CCDC190: variants seen among roughly 807,000 people sequenced by gnomAD.
The protein encoded by CCDC190 is coiled-coil domain containing 190.
A neutral mutation model predicts 13.1 loss-of-function variants in CCDC190; 10 were observed. The observed-to-expected ratio is 0.77, with a 90% CI of 0.47 to 1.30. CCDC190 has a LOEUF of 1.30. CCDC190 is among the 50% of genes most tolerant of loss of function. CCDC190 has a pLI of 0.00. For missense variants in CCDC190, 375 were observed against 354.3 expected, an observed-to-expected ratio of 1.06 and a Z score of -0.47; for synonymous variants, 136 against 127.2, an observed-to-expected ratio of 1.07 and a Z score of -0.47.
At position 162,854,763 on chromosome 1, in the gene CCDC190, G is replaced by A. The variant is rs78851184; in HGVS notation, c.*2C>T. On this transcript the variant is annotated 3_prime_UTR_variant, in exon 4 of 4. Transcript: ENST00000367912. ...ATGTTATTGTCAGGCTATGTTAAACGGTTAGAGAGGAAGAAACTTAGAAGG... is the reference window on the plus strand; with the variant it reads ...ATGTTATTGTCAGGCTATGTTAAACAGTTAGAGAGGAAGAAACTTAGAAGG... 277,425 of 1,601,508 alleles carry A rather than the reference G, an allele frequency of 0.17. 26,300 individuals carry two copies. The highest frequency in any genetic ancestry group is 0.2 in the Non-Finnish European group (231,750 of 1,172,548).
At position 162,856,627 on chromosome 1, in the gene CCDC190, A is replaced by G. The variant is rs574724110; in HGVS notation, c.188-872T>C. ...TTTTAAGACATCTCATGAATTGGTCATTTAGAGTTGAAAGTCTTGGACTAG... is the reference window on the plus strand; with the variant it reads ...TTTTAAGACATCTCATGAATTGGTCGTTTAGAGTTGAAAGTCTTGGACTAG... On this transcript the variant is annotated intron_variant, in intron 2 of 3. Coordinates refer to ENST00000367912, the MANE Select transcript of CCDC190 (RefSeq NM_001394065.1). Among the ~76,000 whole-genome samples, 46 of 152,342 alleles carry G rather than the reference A, an allele frequency of 3.0e-4. No individual in the cohort carries two copies. The South Asian group carries it at 8.7e-3, about 29-fold the overall frequency.
rs914768697 is a variant in CCDC190, at chr1:162,853,167, G to A, written c.*1598C>T. On this transcript the variant is annotated 3_prime_UTR_variant, in exon 4 of 4. Transcript: ENST00000367912. ...ATTGAAGGCCAGAGGCTGGGCTGAT[G>A]AAACTGACTCTCAAATGTTTGATCT... 15 of 1,541,096 alleles carry A rather than the reference G, an allele frequency of 9.7e-6. No individual in the cohort carries two copies. Among genetic ancestry groups the A allele is most frequent in the Admixed American group, 6.1e-5 (3 of 49,282 alleles).
chr1:162,863,909 C>T (rs1322779629), upstream of CCDC190, among the ~76,000 whole-genome samples: 6 of 151,766 alleles, frequency 4.0e-5, no homozygotes, highest in African/African-American at 1.2e-4. Flanking sequence ...ATCCCAGCTA[C>T]TCGGGAGGCT....
chr1:162,855,233 A>T lies in CCDC190; in HGVS notation c.438T>A (p.Thr146=). ...GTGGTTGCTCTTTTATGAAGCAGGC[A>T]GTTCTGTTATTTTGAGAGAGTGGCT... ...KKQPLSQNNR[T]ACFIKEQPQA... is the part of the protein sequence containing the mutation. Residue 146 remains threonine, a synonymous_variant, in exon 4 of 4, where the codon ACT becomes ACA. Transcript: ENST00000367912. 15 of 1,613,938 alleles carry T rather than the reference A, an allele frequency of 9.3e-6. No homozygotes were observed. Among genetic ancestry groups the T allele is most frequent in the Non-Finnish European group, 1.2e-5 (14 of 1,179,864 alleles).
At chr1:162,866,671 T>A (rs920372259) in intron 1 of CCDC190, among the ~76,000 whole-genome samples, 2 of 152,184 alleles carry the variant, frequency 1.3e-5, no homozygotes, top group Non-Finnish European at 2.9e-5. Context: ...TATATAGGAC[T>A]TAATATTATC....
upstream of CCDC190, among the ~76,000 whole-genome samples, chr1:162,861,757 T>G (rs952813677): frequency 1.3e-5 from 2 of 152,188 alleles, no homozygotes. Flanking sequence ...GCAGAGCTAT[T>G]GTTTATATAA....
intron 1 of CCDC190, among the ~76,000 whole-genome samples, chr1:162,859,990 A>T (rs894591916): frequency 2.6e-5 from 4 of 151,890 alleles, no homozygotes; most frequent in Admixed American, 1.3e-4. Flanking sequence ...CAGTCTACAT[A>T]TATAAGGCAT....
At chr1:162,855,565 T>C (rs1650271821) in intron 3 of CCDC190, 67 bp downstream of exon 3, 1 of 1,587,876 alleles carries the variant, frequency 6.3e-7, no homozygotes, top group Non-Finnish European at 8.5e-7. Flanking sequence ...AGGAAAACAG[T>C]TTAAAGAGGT....
In CCDC190 at chr1:162,854,954, C is replaced by T. The variant is rs1650235906; in HGVS notation, c.717G>A (p.Glu239=). 2 of 1,614,024 alleles carry T rather than the reference C, an allele frequency of 1.2e-6. No individual in the cohort carries two copies. The highest frequency in any genetic ancestry group is 1.6e-4 in the Middle Eastern group (1 of 6,062). The change falls in exon 4 of 4, where the codon GAG becomes GAA. Residue 239 remains glutamate (E), a synonymous_variant. Transcript: ENST00000367912. Reference sequence around the variant, plus strand: ...ACTCTAAGAAGGTTGGCTTTGTGAACTCGCCTTCGAAGCTTCCTGCACATT... The same window carrying T: ...ACTCTAAGAAGGTTGGCTTTGTGAATTCGCCTTCGAAGCTTCCTGCACATT... ...HMECAGSFEG[E]FTKPTFLELL...
At chr1:162,863,299 T>A (rs923243110), upstream of CCDC190, among the ~76,000 whole-genome samples, 2 of 152,222 alleles carry the variant, frequency 1.3e-5, no homozygotes, top group Admixed American at 6.5e-5. Context: ...TATCCCTTGG[T>A]TTCCTTATTT....
upstream of CCDC190, among the ~76,000 whole-genome samples, chr1:162,866,035 A>C (rs1244104808): frequency 6.6e-6 from 1 of 152,260 alleles, no homozygotes; most frequent in Non-Finnish European, 1.5e-5. Flanking sequence ...TAATATATCA[A>C]TATACAAAAT....
At chr1:162,856,257 ATT>A (rs1052480990) in intron 2 of CCDC190, among the ~76,000 whole-genome samples, 2 of 152,218 alleles carry the variant, frequency 1.3e-5, no homozygotes, top group African/African-American at 2.4e-5. Context: ...CTTGGTGTAT[ATT>A]ACACATTAGG....
At chr1:162,862,616 C>T (rs12024415), upstream of CCDC190, among the ~76,000 whole-genome samples, 26,548 of 152,036 alleles carry the variant, frequency 0.17, 2,322 homozygotes, top group Middle Eastern at 0.2. Context: ...GCAGAGGACA[C>T]GAGAACACAA....
chr1:162,855,927 C>A (rs1018888171), intron 2 of CCDC190, 172 bp from the exon 3 acceptor site: 34 of 537,774 alleles, frequency 6.3e-5, no homozygotes, highest in Non-Finnish European at 9.8e-5. Context: ...CCTATATTAC[C>A]GGTGTCCTTA....
intron 2 of CCDC190, 54 bp downstream of exon 2, chr1:162,859,406 T>C (rs991662852): frequency 1.3e-5 from 20 of 1,517,572 alleles, no homozygotes; most frequent in Middle Eastern, 4.0e-4. Flanking sequence ...GTGATGGGCC[T>C]GCTGCCCTGC....
chr1:162,868,080 T>G (rs1285096541), intron 1 of CCDC190, among the ~76,000 whole-genome samples: 2 of 152,138 alleles, frequency 1.3e-5, no homozygotes, highest in Non-Finnish European at 2.9e-5. Flanking sequence ...TAAAGTTGAT[T>G]TTAAAAAAAA....
upstream of CCDC190, among the ~76,000 whole-genome samples, chr1:162,864,624 T>C (rs1282923290): frequency 6.6e-6 from 1 of 152,118 alleles, no homozygotes; most frequent in Non-Finnish European, 1.5e-5. Flanking sequence ...TAAATGGAAG[T>C]TTACTGTTAT....
chr1:162,866,183 A>G (rs547354702), intron 1 of CCDC190, among the ~76,000 whole-genome samples: 3 of 152,232 alleles, frequency 2.0e-5, no homozygotes, highest in Admixed American at 6.5e-5. Context: ...TAAATAGGCC[A>G]GGCATGGTGG....
Position 162,854,480 on chromosome 1 carries a change from C to T in CCDC190, c.*285G>A. On this transcript the variant is annotated 3_prime_UTR_variant, in exon 4 of 4. Coordinates refer to ENST00000367912, the MANE Select transcript of CCDC190 (RefSeq NM_001394065.1). ...GAAGTCCCTGAAAGCAAGACTGTTA[C>T]TGTTTTCCCAAGTCCAGTCATCAAT... 8.8e-7 allele frequency: 1 copy of T among 1,135,804 alleles called. No individual in the cohort carries two copies. The highest frequency in any genetic ancestry group is 1.1e-6 in the Non-Finnish European group (1 of 924,930). The allele number at this position is 1,135,804 out of a possible 1,614,324, so 70.4% of individuals were successfully genotyped here.
Sources: allele counts gnomAD v4.1 joint callset (sites outside exome capture counted in the v4.1 genomes callset), GRCh38; gene constraint gnomAD v4.1.1; transcripts MANE v1.5; gene names NCBI Gene and HGNC (gene_info 2026-07-23, HGNC 2026-07-21).